TSHZ2: variants seen among roughly 807,000 people sequenced by gnomAD.
The protein encoded by TSHZ2 is teashirt zinc finger homeobox 2, also known as teashirt homolog 2.
TSHZ2 carries 21 observed loss-of-function variants against 74.4 expected under a neutral mutation model. That is an observed-to-expected ratio of 0.28 (90% CI 0.20 to 0.41). The LOEUF (loss-of-function observed/expected upper bound fraction) is 0.41, where lower values mean the gene tolerates loss of function less well. TSHZ2 is among the 10% of genes least tolerant of loss of function. The probability of loss-of-function intolerance (pLI) is 1.00; values close to 1 mark genes in which losing one functional copy is unlikely to be tolerated. For missense variants in TSHZ2, 1,244 were observed against 1,293.5 expected (o/e 0.96, Z 0.59); for synonymous variants, 540 against 515.3 (o/e 1.05, Z -0.65).
intron 1 of TSHZ2, among the ~76,000 whole-genome samples, chr20:53,048,423 T>C (rs1984307980): frequency 1.3e-5 from 2 of 152,232 alleles, no homozygotes; most frequent in South Asian, 4.1e-4. Context: ...CTCTCATCTT[T>C]TGCCCAGGAC....
chr20:53,253,510 G>A lies in TSHZ2; in HGVS notation c.52G>A (p.Glu18Lys), dbSNP rs1288840006. 1 of 1,608,804 alleles carries A rather than the reference G, an allele frequency of 6.2e-7. No homozygotes were observed. Among genetic ancestry groups the A allele is most frequent in the East Asian group, 2.2e-5 (1 of 44,794 alleles). ...TTCTTCTCTTGCAGGCTACGCCCAG[G>A]AGGAACAGCTGAAAGAAGAGGAGGA... is the stretch of plus-strand genomic sequence containing the variant. ...APKRAAGYAQ[E>K]EQLKEEEEIK... The change falls in exon 2 of 3, where the codon GAG becomes AAG. Residue 18 changes from glutamate (E) to lysine (K), a missense_variant. Around this residue, in one of 6 missense-constraint regions of TSHZ2, gnomAD observed 470 missense variants for 456.5 expected, o/e 1.03. Transcript: ENST00000371497.
At chr20:53,058,527 T>C (rs1316593831) in intron 1 of TSHZ2, among the ~76,000 whole-genome samples, 1 of 152,178 alleles carries the variant, frequency 6.6e-6, no homozygotes, top group Non-Finnish European at 1.5e-5. Flanking sequence ...CTTCTGAGCA[T>C]GGGGCCCTGT....
intron 1 of TSHZ2, among the ~76,000 whole-genome samples, chr20:53,210,872 G>T (rs1490488195): frequency 1.3e-5 from 2 of 152,006 alleles, no homozygotes; most frequent in South Asian, 4.1e-4. Flanking sequence ...ATTACTTCCA[G>T]GCAGCAGGAT....
intron 1 of TSHZ2, among the ~76,000 whole-genome samples, chr20:53,155,458 T>A (rs1987773660): frequency 6.6e-6 from 1 of 151,862 alleles, no homozygotes; most frequent in African/African-American, 2.4e-5. Context: ...CCCATCCCCT[T>A]TGGGCAAACT....
intron 1 of TSHZ2, among the ~76,000 whole-genome samples, chr20:53,155,154 G>T (rs1305169338): frequency 6.6e-6 from 1 of 150,696 alleles, no homozygotes; most frequent in Admixed American, 6.6e-5. Flanking sequence ...GGACTGCGTG[G>T]GTAGCTCACC....
chr20:53,125,218 T>C (rs1986914035), intron 1 of TSHZ2, among the ~76,000 whole-genome samples: 1 of 152,220 alleles, frequency 6.6e-6, no homozygotes, highest in South Asian at 2.1e-4. Flanking sequence ...TAATGGTTTA[T>C]ATTATTGCTA....
At chr20:53,367,762 G>A (rs1418749915) in intron 2 of TSHZ2, among the ~76,000 whole-genome samples, 2 of 151,900 alleles carry the variant, frequency 1.3e-5, no homozygotes, top group Non-Finnish European at 2.9e-5. Flanking sequence ...TAGTAGAGAC[G>A]GGGTTTCATC....
At chr20:53,132,638 C>T (rs766890783) in intron 1 of TSHZ2, among the ~76,000 whole-genome samples, 5 of 151,122 alleles carry the variant, frequency 3.3e-5, no homozygotes, top group Non-Finnish European at 7.4e-5. Context: ...CCACAAAGGT[C>T]CCCCTCTCTT....
At chr20:53,322,541 CT>C (rs1979315378) in intron 2 of TSHZ2, among the ~76,000 whole-genome samples, 1 of 151,974 alleles carries the variant, frequency 6.6e-6, no homozygotes, top group African/African-American at 2.4e-5. Flanking sequence ...AAAAACATGA[CT>C]TTAGTCCCGC....
intron 1 of TSHZ2, among the ~76,000 whole-genome samples, chr20:53,048,309 GGAGA>G (rs546698940): frequency 2.7e-5 from 4 of 149,850 alleles, no homozygotes; most frequent in African/African-American, 4.9e-5. Context: ...AAGAAGGGGA[GGAGA>G]GAGAGAGAGA....
intron 1 of TSHZ2, among the ~76,000 whole-genome samples, chr20:53,019,044 T>C (rs1465443049): frequency 6.6e-6 from 1 of 152,108 alleles, no homozygotes; most frequent in African/African-American, 2.4e-5. Context: ...AATCTAAACA[T>C]TGGGAGAAAA....
At chr20:53,306,569 G>T (rs910129817) in intron 2 of TSHZ2, among the ~76,000 whole-genome samples, 8 of 152,128 alleles carry the variant, frequency 5.3e-5, no homozygotes, top group Non-Finnish European at 5.9e-5. Context: ...CTAAGAGCCT[G>T]CATGAAACCT....
chr20:53,368,766 T>C (rs1981365926), intron 2 of TSHZ2, among the ~76,000 whole-genome samples: 1 of 152,262 alleles, frequency 6.6e-6, no homozygotes, highest in African/African-American at 2.4e-5. Flanking sequence ...GTATGAAGTA[T>C]TGAACTTTAT....
intron 1 of TSHZ2, among the ~76,000 whole-genome samples, chr20:52,998,041 G>A (rs1377510623): frequency 6.6e-6 from 1 of 152,188 alleles, no homozygotes; most frequent in African/African-American, 2.4e-5. Context: ...TCGTGAGCAC[G>A]TTGAGATTTT....
intron 1 of TSHZ2, among the ~76,000 whole-genome samples, chr20:53,110,243 C>G (rs1819663482): frequency 1.3e-5 from 2 of 152,054 alleles, no homozygotes; most frequent in African/African-American, 4.8e-5. Context: ...TGTGCTAGCC[C>G]TAGGTAAGTT....
chr20:53,354,553 A>G (rs1476593108), intron 2 of TSHZ2, among the ~76,000 whole-genome samples: 1 of 152,198 alleles, frequency 6.6e-6, no homozygotes, highest in Non-Finnish European at 1.5e-5. Context: ...TCTCAATTTG[A>G]GTCATATTTT....
chr20:53,024,505 T>A (rs1983363830), intron 1 of TSHZ2, among the ~76,000 whole-genome samples: 1 of 151,990 alleles, frequency 6.6e-6, no homozygotes, highest in Non-Finnish European at 1.5e-5. Flanking sequence ...AGATTTTTTT[T>A]ATTATTATAC....
chr20:53,314,182 G>C (rs1431361542), intron 2 of TSHZ2, among the ~76,000 whole-genome samples: 1 of 151,804 alleles, frequency 6.6e-6, no homozygotes, highest in Non-Finnish European at 1.5e-5. Flanking sequence ...CAACTACTTG[G>C]GAGGCTGAAA....
chr20:53,413,808 A>G (rs913659038), intron 2 of TSHZ2, among the ~76,000 whole-genome samples: 2 of 152,260 alleles, frequency 1.3e-5, no homozygotes, highest in African/African-American at 4.8e-5. Context: ...AAGTGTCTAT[A>G]GTATTCACCT....
Sources: gnomAD v4.1 joint callset for allele counts (sites outside exome capture counted in the v4.1 genomes callset) on GRCh38, gnomAD v4.1.1 for gene constraint, gnomAD v4.1.1 regional missense constraint, MANE v1.5 for transcripts, NCBI Gene and HGNC (gene_info 2026-07-23, HGNC 2026-07-21) for gene names.